PPRC1: variants seen among roughly 807,000 people sequenced by gnomAD.
PPRC1 encodes the protein peroxisome proliferator-activated receptor gamma coactivator-related protein 1.
In PPRC1, 23 loss-of-function variants were observed where a neutral mutation model predicts 132.5. The observed-to-expected ratio is 0.17, with a 90% CI of 0.12 to 0.25. PPRC1 has a LOEUF of 0.25. PPRC1 is among the 10% of genes least tolerant of loss of function. The probability of loss-of-function intolerance (pLI) is 1.00; values close to 1 mark genes in which losing one functional copy is unlikely to be tolerated. For missense variants in PPRC1, 2,006 were observed against 2,089.1 expected (o/e 0.96, Z 0.78); for synonymous variants, 872 against 833.5 (o/e 1.05, Z -0.80).
chr10:102,125,983 CT>C, the PPRC1 span, among the ~76,000 whole-genome samples: 1 of 152,098 alleles, frequency 6.6e-6, no homozygotes, highest in Admixed American at 6.5e-5. Context: ...CTGCCTCAGC[CT>C]CCCAAGTAGC....
chr10:102,122,538 G>T, the PPRC1 span, among the ~76,000 whole-genome samples: 1 of 150,310 alleles, frequency 6.7e-6, no homozygotes, highest in East Asian at 1.9e-4. Flanking sequence ...ATTTGAGATG[G>T]TTTGGAGGAG....
chr10:102,127,019 T>TTATATATA, the PPRC1 span, among the ~76,000 whole-genome samples: 4 of 78,892 alleles, frequency 5.1e-5, no homozygotes, highest in African/African-American at 1.9e-4. Flanking sequence ...TGGTTTTTTA[T>TTATATATA]CATATATATA....
In PPRC1 at chr10:102,141,246, C is replaced by A. The variant is rs764454904; in HGVS notation, c.2738C>A (p.Pro913Gln). The A allele has an allele frequency of 3.7e-6, 6 of 1,613,998 alleles. No individual in the cohort carries two copies. The Admixed American group carries it at 1.0e-4, about 27-fold the overall frequency. Residue 913 changes from proline (P) to glutamine (Q), a missense_variant, in exon 5 of 14, where the codon CCG (proline) becomes CAG (glutamine). Around this residue, in one of 2 missense-constraint regions of PPRC1, gnomAD observed 1,914 missense variants for 1,917.2 expected, o/e 1.00. Transcript: ENST00000278070. The part of the protein sequence containing the change: ...PLSMGPVLPD[P>Q]FTHYAPLPSW... ...TCTATGGGGCCAGTACTACCTGATC[C>A]GTTTACTCACTATGCCCCCTTGCCA...
At chr10:102,121,899 G>C in the PPRC1 span, among the ~76,000 whole-genome samples, 1 of 152,136 alleles carries the variant, frequency 6.6e-6, no homozygotes, top group Admixed American at 6.5e-5. Context: ...AAATGCGGAG[G>C]CTTAAAGTGT....
upstream of PPRC1, chr10:102,132,975 G>A: frequency 8.1e-7 from 1 of 1,230,084 alleles, no homozygotes. Flanking sequence ...TCGTAGTCTT[G>A]CAGTGTCATT....
At chr10:102,147,842 T>A (rs2069331972) in intron 9 of PPRC1, among the ~76,000 whole-genome samples, 1 of 152,186 alleles carries the variant, frequency 6.6e-6, no homozygotes, top group Non-Finnish European at 1.5e-5. Context: ...TGGCAGTATC[T>A]TTTTTTCTCA....
At position 102,133,137 on chromosome 10, in the gene PPRC1, T is replaced by G. The variant is rs551308673; in HGVS notation, c.69T>G (p.Pro23=). 4.8e-5 allele frequency: 60 copies of G among 1,253,044 alleles called. No homozygotes were observed. The African/African-American group carries it at 8.6e-4, about 18-fold the overall frequency. The allele number at this position is 1,253,044 out of a possible 1,614,324, so 77.6% of individuals were successfully genotyped here. The change falls in exon 1 of 14, where the codon CCT becomes CCG. Residue 23 remains proline, a synonymous_variant. Transcript: ENST00000278070. The part of the protein sequence containing the change: ...PPPSGGPGPD[P]GGGARGSGWG... ...CGAGTGGGGGCCCCGGTCCGGACCC[T>G]GGCGGGGGAGCCCGCGGCAGTGGTT...
Position 102,139,795 on chromosome 10 carries a change from G to A in PPRC1, c.1287G>A (p.Lys429=). The A allele has an allele frequency of 6.2e-7, 1 of 1,614,220 alleles. No homozygotes were observed. The highest frequency in any genetic ancestry group is 8.5e-7 in the Non-Finnish European group (1 of 1,180,032). ...EEKLDSACLL[K]PREVVEPVVP... ...AGCTGGACTCAGCCTGCTTATTGAA[G>A]CCCAGGGAGGTCGTGGAGCCGGTGG... Residue 429 remains lysine, a synonymous_variant, in exon 5 of 14, where the codon AAG becomes AAA. Transcript: ENST00000278070.
chr10:102,123,098 C>T, the PPRC1 span, among the ~76,000 whole-genome samples: 5 of 152,146 alleles, frequency 3.3e-5, no homozygotes, highest in East Asian at 1.9e-4. Context: ...GCCCAGTTAC[C>T]GGTAAGGAAA....
upstream of PPRC1, among the ~76,000 whole-genome samples, chr10:102,128,466 T>A (rs1422951238): frequency 6.6e-6 from 1 of 151,892 alleles, no homozygotes; most frequent in Non-Finnish European, 1.5e-5. Context: ...TCCATTTTTT[T>A]GCCATGTGGG....
the PPRC1 span, among the ~76,000 whole-genome samples, chr10:102,120,830 G>A: frequency 6.6e-6 from 1 of 152,122 alleles, no homozygotes; most frequent in African/African-American, 2.4e-5. Context: ...GAGCCGGGGT[G>A]GGCAGTGTGG....
Position 102,146,700 on chromosome 10 carries a change from C to G in PPRC1, c.3708C>G (p.His1236Gln). The G allele has an allele frequency of 6.2e-7, 1 of 1,613,066 alleles. No individual in the cohort carries two copies. The highest frequency in any genetic ancestry group is 8.5e-7 in the Non-Finnish European group (1 of 1,179,524). The change falls in exon 9 of 14, where the codon CAC becomes CAG. Residue 1236 changes from histidine (H) to glutamine (Q), a missense_variant. His to Gln is a conservative substitution (Grantham distance 24). Around this residue, in one of 2 missense-constraint regions of PPRC1, gnomAD observed 1,914 missense variants for 1,917.2 expected, o/e 1.00. Transcript: ENST00000278070. The part of the protein sequence containing the change: ...AGLTPPATPP[H>Q]QLWKPLAAVS... ...TCACCCCTCCAGCTACCCCTCCCCA[C>G]CAGTTATGGAAGCCCCTGGCTGCTG...
intron 8 of PPRC1, among the ~76,000 whole-genome samples, 156 bp downstream of exon 8, chr10:102,145,246 T>C (rs1310346243): frequency 6.6e-6 from 1 of 152,246 alleles, no homozygotes; most frequent in East Asian, 1.9e-4. Flanking sequence ...TGTAAACGAA[T>C]GAGCATGTTG....
chr10:102,133,793 CG>C (rs2068615664), intron 1 of PPRC1, among the ~76,000 whole-genome samples: 1 of 151,760 alleles, frequency 6.6e-6, no homozygotes, highest in Non-Finnish European at 1.5e-5. Flanking sequence ...TGTGTCTCCA[CG>C]GGTCCCGCCA....
chr10:102,146,814 A>C lies in PPRC1; in HGVS notation c.3822A>C (p.Pro1274=), dbSNP rs776566839. Residue 1274 remains proline, a synonymous_variant, in exon 9 of 14, where the codon CCA becomes CCC. Transcript: ENST00000278070. ...KPEGVTEAKH[P]AAVRLQEGVH... ...AAGGAGTTACGGAGGCCAAACATCC[A>C]GCTGCAGTTCGCCTCCAAGAAGGGG... The C allele has an allele frequency of 6.2e-7, 1 of 1,614,122 alleles. No homozygotes were observed. Among genetic ancestry groups the C allele is most frequent in the South Asian group, 1.1e-5 (1 of 91,082 alleles).
chr10:102,145,181 G>A, intron 8 of PPRC1, 91 bp downstream of exon 8: 1 of 1,238,440 alleles, frequency 8.1e-7, no homozygotes, highest in South Asian at 1.3e-5. Context: ...TAGGCGTTAA[G>A]GACATAGAGA....
intron 1 of PPRC1, 110 bp downstream of exon 1, chr10:102,133,331 G>A: frequency 9.9e-7 from 1 of 1,013,566 alleles, no homozygotes; most frequent in Non-Finnish European, 1.3e-6. Context: ...GATGCCGGGT[G>A]GCCGCGGGAG....
Position 102,140,296 on chromosome 10 carries a change from A to T in PPRC1, c.1788A>T (p.Ala596=), listed in dbSNP as rs145963377. The T allele has an allele frequency of 1.9e-6, 3 of 1,614,094 alleles. No individual in the cohort carries two copies. The African/African-American group carries it at 4.0e-5, about 22-fold the overall frequency. ...ACTCTGTTGAAGCTGATCCCACTGC[A>T]GTTGGCCCTGTTCTAGCTGGCCCTG... is the stretch of plus-strand genomic sequence containing the variant. ...PVDSVEADPT[A]VGPVLAGPVP... The change falls in exon 5 of 14, where the codon GCA becomes GCT. Residue 596 remains alanine (A), a synonymous_variant. Coordinates refer to ENST00000278070, the MANE Select transcript of PPRC1 (RefSeq NM_015062.5).
intron 8 of PPRC1, among the ~76,000 whole-genome samples, chr10:102,146,416 G>C (rs1273927563): frequency 6.6e-6 from 1 of 152,114 alleles, no homozygotes; most frequent in Admixed American, 6.5e-5. Flanking sequence ...TAGACTCTAG[G>C]ACCTGGCTAC....
Sources: gnomAD v4.1 joint callset for allele counts (sites outside exome capture counted in the v4.1 genomes callset) on GRCh38, gnomAD v4.1.1 for gene constraint, gnomAD v4.1.1 regional missense constraint, MANE v1.5 for transcripts, NCBI Gene and HGNC (gene_info 2026-07-23, HGNC 2026-07-21) for gene names.